Variants in TENM4 observed in about 807,000 individuals in gnomAD.
The protein encoded by TENM4 is teneurin transmembrane protein 4, also known as teneurin-4.
Under a neutral mutation model 243.3 loss-of-function variants are expected in TENM4, and 82 were observed. The ratio of observed to expected loss-of-function variants is 0.34; its 90% CI spans 0.28 to 0.40. The LOEUF is 0.40. Ranked by LOEUF, TENM4 falls within the 10% of genes least tolerant of loss-of-function variation. TENM4 has a pLI of 1.00. For synonymous variants in TENM4, 1,412 were observed against 1,456.3 expected (o/e 0.97, Z 0.69); for missense variants, 3,138 against 3,673.3 (o/e 0.85, Z 3.77).
intron 17 of TENM4, among the ~76,000 whole-genome samples, chr11:78,773,315 G>C: frequency 6.6e-6 from 1 of 152,154 alleles, no homozygotes; most frequent in East Asian, 1.9e-4. Flanking sequence ...TATGACTCAG[G>C]CATGTTATTG....
At chr11:79,125,060 C>T (rs531282889) in intron 4 of TENM4, among the ~76,000 whole-genome samples, 6 of 151,598 alleles carry the variant, frequency 4.0e-5, no homozygotes, top group African/African-American at 1.5e-4. Flanking sequence ...GAATTGGTTG[C>T]TTAATATGAT....
chr11:79,295,896 A>AACACACACACACACACAC lies in TENM4; in HGVS notation c.-265+1574_-265+1591dup, dbSNP rs199711050. 1.5e-4 allele frequency among the ~76,000 whole-genome samples: 19 copies of AACACACACACACACACAC among 130,916 alleles called. 1 individual carries two copies. The highest frequency in any genetic ancestry group is 4.7e-4 in the African/African-American group (16 of 33,744). 85.9% of individuals were successfully genotyped at this position (130,916 alleles called of 152,430 possible). A position where few individuals can be genotyped will look rare whatever the true frequency, so the allele number is the denominator to read the frequency against. On this transcript the variant is annotated intron_variant, in intron 2 of 33. Transcript: ENST00000278550. ...AATAAGAATTGCCTCCCAGGGATTA[A>AACACACACACACACACAC]ACACACACACACACACACACACACA...
chr11:79,144,526 T>C (rs1862358772), intron 4 of TENM4, among the ~76,000 whole-genome samples: 1 of 152,016 alleles, frequency 6.6e-6, no homozygotes, highest in Non-Finnish European at 1.5e-5. Context: ...TTGGAAGCAG[T>C]CTAAGTGTCC....
At chr11:78,932,315 C>A (rs539358623) in intron 6 of TENM4, among the ~76,000 whole-genome samples, 1 of 152,326 alleles carries the variant, frequency 6.6e-6, no homozygotes, top group East Asian at 1.9e-4. Context: ...TGGGCTAATT[C>A]CCCATGACAG....
In TENM4 at chr11:78,805,282, C is replaced by CCCCCCCCCACCCCCCCCCCCCA; in HGVS notation, c.2179+9_2179+10insTGGGGGGGGGGGGTGGGGGGGG. The stretch of plus-strand genomic sequence containing the variant: ...CCCTCTACCCATGCTTCTTCTCCCC[C>CCCCCCCCCACCCCCCCCCCCCA]TGCATTTACCGATAGAACAGTCGTG... On this transcript the variant is annotated intron_variant, in intron 15 of 33. Transcript: ENST00000278550. The CCCCCCCCCACCCCCCCCCCCCA allele has an allele frequency of 2.0e-6, 2 of 995,564 alleles. No homozygotes were observed. The highest frequency in any genetic ancestry group is 2.4e-6 in the Non-Finnish European group (2 of 823,788). 61.7% of individuals were successfully genotyped at this position (995,564 alleles called of 1,614,324 possible). A position where few individuals can be genotyped will look rare whatever the true frequency, so the allele number is the denominator to read the frequency against.
At chr11:79,250,472 C>T (rs2135302336) in intron 2 of TENM4, among the ~76,000 whole-genome samples, 1 of 152,380 alleles carries the variant, frequency 6.6e-6, no homozygotes, top group Non-Finnish European at 1.5e-5. Flanking sequence ...AGACTGAAGG[C>T]ATTTGTCCCA....
At chr11:79,084,689 G>A (rs1346987991) in intron 4 of TENM4, among the ~76,000 whole-genome samples, 1 of 139,804 alleles carries the variant, frequency 7.2e-6, no homozygotes, top group Non-Finnish European at 1.6e-5. Flanking sequence ...CAGATTGGTG[G>A]TAGTTAGGGG....
chr11:78,745,551 T>G (rs1268262029), intron 19 of TENM4, among the ~76,000 whole-genome samples: 1 of 152,106 alleles, frequency 6.6e-6, no homozygotes, highest in Non-Finnish European at 1.5e-5. Flanking sequence ...TTCTGTGGAG[T>G]AGATCTTGAT....
At position 78,756,852 on chromosome 11, in the gene TENM4, G is replaced by T. The variant is rs201248880; in HGVS notation, c.2709C>A (p.Gly903=). Reference sequence around the variant, plus strand: ...CGGGGATTATGTGCGTGCTGTCCCTGCCCACGAGGAACTTGATGCGGTCAT... The same window carrying T: ...CGGGGATTATGTGCGTGCTGTCCCTTCCCACGAGGAACTTGATGCGGTCAT... ...SFYDRIKFLV[G]RDSTHIIPGE... is the part of the protein sequence containing the mutation. The change falls in exon 19 of 34, where the codon GGC becomes GGA. Residue 903 remains glycine, a synonymous_variant. Coordinates refer to ENST00000278550, the MANE Select transcript of TENM4 (RefSeq NM_001098816.3). The T allele has an allele frequency of 9.6e-4, 1,544 of 1,613,948 alleles. 1 individual carries two copies. The highest frequency in any genetic ancestry group is 1.2e-3 in the Non-Finnish European group (1,411 of 1,179,880).
chr11:78,965,309 C>T (rs1490356866), intron 6 of TENM4, among the ~76,000 whole-genome samples: 1 of 151,822 alleles, frequency 6.6e-6, no homozygotes, highest in African/African-American at 2.4e-5. Flanking sequence ...ACAAAACCGC[C>T]CCACCAAGAA....
At chr11:78,882,325 T>C (rs917764876) in intron 9 of TENM4, among the ~76,000 whole-genome samples, 2 of 152,234 alleles carry the variant, frequency 1.3e-5, no homozygotes, top group Non-Finnish European at 2.9e-5. Flanking sequence ...TTCACCTGTA[T>C]CTTAGCCCCA....
chr11:78,779,916 A>G (rs911827249), intron 16 of TENM4, among the ~76,000 whole-genome samples: 2 of 152,240 alleles, frequency 1.3e-5, no homozygotes, highest in East Asian at 3.8e-4. Flanking sequence ...TCATCACTAT[A>G]TATTAGCCTC....
chr11:79,414,794 C>T (rs1186956884), intron 1 of TENM4, among the ~76,000 whole-genome samples: 2 of 152,240 alleles, frequency 1.3e-5, no homozygotes, highest in Non-Finnish European at 2.9e-5. Flanking sequence ...AACCAAGCAG[C>T]CCTGCCTGAA....
At chr11:78,985,066 T>C (rs967546403) in intron 6 of TENM4, among the ~76,000 whole-genome samples, 24 of 152,274 alleles carry the variant, frequency 1.6e-4, no homozygotes, top group African/African-American at 5.1e-4. Flanking sequence ...AGTTTCCTCA[T>C]CTGTAAAATG....
At chr11:79,403,808 G>A (rs986443187) in intron 1 of TENM4, among the ~76,000 whole-genome samples, 2 of 152,162 alleles carry the variant, frequency 1.3e-5, no homozygotes, top group Non-Finnish European at 2.9e-5. Context: ...AAAATCCGGG[G>A]GGTTGAGGGG....
intron 27 of TENM4, among the ~76,000 whole-genome samples, chr11:78,707,925 GT>G (rs2135789097): frequency 6.6e-6 from 1 of 152,340 alleles, no homozygotes; most frequent in East Asian, 1.9e-4. Context: ...CAATCAGCAA[GT>G]ATAGACTGTG....
chr11:78,829,640 G>T lies in TENM4; in HGVS notation c.1682-15245C>A, dbSNP rs538485057. ...ACTCTGGGGGTTCTAATTCTACTTTGCTATCTCCTTTGTGACTTTGAACAA... is the reference window on the plus strand; with the variant it reads ...ACTCTGGGGGTTCTAATTCTACTTTTCTATCTCCTTTGTGACTTTGAACAA... On this transcript the variant is annotated intron_variant, in intron 12 of 33. Transcript: ENST00000278550. Among the ~76,000 whole-genome samples, 364 of 152,232 alleles carry T rather than the reference G, an allele frequency of 2.4e-3. 2 individuals are homozygous for T. Among genetic ancestry groups the T allele is most frequent in the African/African-American group, 8.4e-3 (348 of 41,546 alleles).
At chr11:78,986,602 T>C (rs187313158) in intron 6 of TENM4, among the ~76,000 whole-genome samples, 1 of 152,346 alleles carries the variant, frequency 6.6e-6, no homozygotes. Context: ...TCTCGCTCTG[T>C]CGTCCGCCTA....
At chr11:78,749,619 G>C (rs1856135048) in intron 19 of TENM4, among the ~76,000 whole-genome samples, 15 of 152,142 alleles carry the variant, frequency 9.9e-5, no homozygotes, top group Admixed American at 8.5e-4. Flanking sequence ...ATGGCTTTAG[G>C]TTCACAGTGG....
Sources: allele counts gnomAD v4.1 joint callset (sites outside exome capture counted in the v4.1 genomes callset), GRCh38; gene constraint gnomAD v4.1.1; transcripts MANE v1.5; gene names NCBI Gene and HGNC (gene_info 2026-07-23, HGNC 2026-07-21).